The following MAPK9 variants were observed in gnomAD, a reference collection of about 807,000 sequenced individuals.
MAPK9 encodes Jun kinase.
MAPK9 carries 30 observed loss-of-function variants against 57.1 expected under a neutral mutation model. The observed-to-expected ratio is 0.53, with a 90% CI of 0.39 to 0.71. The LOEUF is 0.71. MAPK9 is among the 30% of genes least tolerant of loss of function. The pLI is 0.00. For missense variants in MAPK9, 362 were observed against 521.0 expected (o/e 0.69, Z 2.97); for synonymous variants, 155 against 177.0 (o/e 0.88, Z 0.99).
At chr5:180,289,118 GA>G (rs879447648) in intron 1 of MAPK9, among the ~76,000 whole-genome samples, 8 of 151,834 alleles carry the variant, frequency 5.3e-5, no homozygotes, top group Admixed American at 3.3e-4. Context: ...GTCTCAAGAA[GA>G]AAAAAAATCT....
chr5:180,268,925 G>A (rs1760971924), intron 3 of MAPK9, among the ~76,000 whole-genome samples: 1 of 151,680 alleles, frequency 6.6e-6, no homozygotes, highest in Non-Finnish European at 1.5e-5. Flanking sequence ...GGATCATGGG[G>A]CCAGGAGATC....
intron 8 of MAPK9, 149 bp from the exon 9 acceptor site, chr5:180,241,304 AT>A (rs568488906): frequency 0.14 from 74,005 of 520,248 alleles, 60 homozygotes; most frequent in Middle Eastern, 0.19. Flanking sequence ...ATAACCCAAA[AT>A]TTTTTTTTTT....
At chr5:180,251,732 A>AGTGACGCCTGGATCGGGGC (rs6149378) in intron 5 of MAPK9, among the ~76,000 whole-genome samples, 57,031 of 151,818 alleles carry the variant, frequency 0.38, 11,040 homozygotes, top group Non-Finnish European at 0.4. Context: ...TACAGATCCA[A>AGTGACGCCTGGATCGGGGC]GTGACGCCTG....
At chr5:180,283,276 G>A (rs1044054133) in intron 1 of MAPK9, among the ~76,000 whole-genome samples, 2 of 152,202 alleles carry the variant, frequency 1.3e-5, no homozygotes, top group East Asian at 3.9e-4. Flanking sequence ...AGTGATGTAT[G>A]CAACTTCCAG....
intron 5 of MAPK9, among the ~76,000 whole-genome samples, chr5:180,256,633 C>A (rs763246345): frequency 6.6e-6 from 1 of 152,084 alleles, no homozygotes; most frequent in Admixed American, 6.5e-5. Flanking sequence ...GGGATGGCAA[C>A]AGGGCCATTT....
At position 180,269,374 on chromosome 5, in the gene MAPK9, G is replaced by A; in HGVS notation, c.158C>T (p.Ala53Val). The change falls in exon 3 of 12, where the codon GCA (alanine) becomes GTA (valine). Residue 53 changes from alanine to valine, a missense_variant. By Grantham distance (64) the Ala-to-Val change is moderately conservative. This residue lies in a region of MAPK9 where 127 missense variants were observed against 231.7 expected (regional missense o/e 0.55). Transcript: ENST00000452135. Reference protein sequence around the residue: ...AFDTVLGINVAVKKLSRPFQN... With the variant: ...AFDTVLGINVVVKKLSRPFQN... Reference sequence around the variant, plus strand: ...AAAAGGACGGCTTAGTTTCTTGACTGCAACATTTATCCCAAGAACTGTATC... The same window carrying A: ...AAAAGGACGGCTTAGTTTCTTGACTACAACATTTATCCCAAGAACTGTATC... 6.2e-7 allele frequency: 1 copy of A among 1,613,944 alleles called. No individual in the cohort carries two copies. Among genetic ancestry groups the A allele is most frequent in the Non-Finnish European group, 8.5e-7 (1 of 1,179,834 alleles).
At chr5:180,271,632 G>A (rs555941098) in intron 2 of MAPK9, among the ~76,000 whole-genome samples, 33 of 152,162 alleles carry the variant, frequency 2.2e-4, no homozygotes, top group African/African-American at 7.2e-4. Flanking sequence ...TTCTTCTTTA[G>A]GATGTTTCTA....
intron 3 of MAPK9, among the ~76,000 whole-genome samples, chr5:180,267,828 A>AC (rs2127603055): frequency 6.6e-6 from 1 of 152,136 alleles, no homozygotes; most frequent in Non-Finnish European, 1.5e-5. Context: ...ACAAAACAAA[A>AC]AAAACCAGAT....
intron 3 of MAPK9, among the ~76,000 whole-genome samples, chr5:180,265,801 G>T (rs1760477413): frequency 6.6e-6 from 1 of 152,036 alleles, no homozygotes; most frequent in South Asian, 2.1e-4. Flanking sequence ...ACAGGATTGG[G>T]GTGATTGGTT....
intron 5 of MAPK9, chr5:180,257,788 T>C: frequency 5.9e-6 from 1 of 169,722 alleles, no homozygotes; most frequent in Non-Finnish European, 1.3e-5. Flanking sequence ...AGGTAGTCAT[T>C]GTGGAGAAAT....
At chr5:180,241,354 G>A (rs988346924) in intron 8 of MAPK9, among the ~76,000 whole-genome samples, 199 bp from the exon 9 acceptor site, 2 of 150,514 alleles carry the variant, frequency 1.3e-5, no homozygotes, top group Non-Finnish European at 2.9e-5. Flanking sequence ...GCCCAATGCA[G>A]TGGCGCAATC....
At chr5:180,258,853 T>C (rs7380044) in intron 5 of MAPK9, among the ~76,000 whole-genome samples, 143,396 of 143,698 alleles carry the variant, frequency 1, 71,549 homozygotes, top group Middle Eastern at 1. Flanking sequence ...GGTGAAATCC[T>C]GTCTCTACTA....
intron 4 of MAPK9, 27 bp downstream of exon 4, chr5:180,264,754 G>A: frequency 6.4e-7 from 1 of 1,557,114 alleles, no homozygotes. Flanking sequence ...GATGTACAGT[G>A]CATTACTGAA....
intron 3 of MAPK9, among the ~76,000 whole-genome samples, chr5:180,265,396 T>A (rs944837741): frequency 6.6e-6 from 1 of 152,192 alleles, no homozygotes; most frequent in Admixed American, 6.5e-5. Context: ...GGGAGAGACC[T>A]GGTGGGAGGT....
At chr5:180,240,119 T>C in intron 9 of MAPK9, 132 bp from the exon 10 acceptor site, 1 of 657,130 alleles carries the variant, frequency 1.5e-6, no homozygotes, top group South Asian at 1.8e-5. Flanking sequence ...ACACGTGGTT[T>C]AATAAAGATT....
chr5:180,268,114 GCA>G (rs1419119599), intron 3 of MAPK9, among the ~76,000 whole-genome samples: 4 of 152,176 alleles, frequency 2.6e-5, no homozygotes, highest in Admixed American at 1.3e-4. Context: ...GTGAGCCACT[GCA>G]CCCGGCCAAC....
intron 7 of MAPK9, among the ~76,000 whole-genome samples, chr5:180,243,654 A>T (rs907037566): frequency 3.9e-5 from 6 of 152,252 alleles, no homozygotes; most frequent in Non-Finnish European, 8.8e-5. Context: ...GAACTGGTAC[A>T]TGAACTCAGT....
chr5:180,268,974 C>A (rs1471062176), intron 3 of MAPK9, among the ~76,000 whole-genome samples: 1 of 150,778 alleles, frequency 6.6e-6, no homozygotes, highest in African/African-American at 2.4e-5. Flanking sequence ...CCCATCTCTA[C>A]TAAAAATACA....
At chr5:180,286,443 C>T (rs1762778295) in intron 1 of MAPK9, among the ~76,000 whole-genome samples, 1 of 151,660 alleles carries the variant, frequency 6.6e-6, no homozygotes, top group African/African-American at 2.4e-5. Flanking sequence ...CGCGCCTGGC[C>T]TCCTACTGTA....
Sources: gnomAD v4.1 joint callset for allele counts (sites outside exome capture counted in the v4.1 genomes callset) on GRCh38, gnomAD v4.1.1 for gene constraint, gnomAD v4.1.1 regional missense constraint, MANE v1.5 for transcripts, NCBI Gene and HGNC (gene_info 2026-07-23, HGNC 2026-07-21) for gene names.